CDK19: variants seen among roughly 807,000 people sequenced by gnomAD.
The protein encoded by CDK19 is cyclin dependent kinase 19.
In CDK19, 20 loss-of-function variants were observed where a neutral mutation model predicts 68.3. The observed-to-expected ratio is 0.29, with a 90% CI of 0.21 to 0.43. The LOEUF is 0.43. CDK19 is among the 20% of genes least tolerant of loss of function. The pLI, the probability that CDK19 is intolerant of heterozygous loss-of-function variation, is 1.00. For missense variants in CDK19, 339 were observed against 623.5 expected (o/e 0.54, Z 4.86); for synonymous variants, 221 against 222.8 (o/e 0.99, Z 0.07).
intron 2 of CDK19, among the ~76,000 whole-genome samples, chr6:110,697,155 G>A (rs192929741): frequency 6.6e-5 from 10 of 151,832 alleles, no homozygotes; most frequent in East Asian, 5.8e-4. Context: ...GCTTGAACCC[G>A]GGAGGCGGAG....
Position 110,670,458 on chromosome 6 carries a change from C to T in CDK19, c.288G>A (p.Leu96=). The T allele has an allele frequency of 6.2e-7, 1 of 1,608,580 alleles. No individual in the cohort carries two copies. The highest frequency in any genetic ancestry group is 8.5e-7 in the Non-Finnish European group (1 of 1,175,024). Residue 96 remains leucine, a synonymous_variant, in exon 3 of 13, where the codon CTG becomes CTA. Transcript: ENST00000368911. The part of the protein sequence containing the change: ...LSHSDRKVWL[L]FDYAEHDLWH... ...ACAAGTCATGCTCTGCATAATCAAACAGCAGCCATACCTTCCTGTCACTGT... is the reference window on the plus strand; with the variant it reads ...ACAAGTCATGCTCTGCATAATCAAATAGCAGCCATACCTTCCTGTCACTGT...
chr6:110,714,658 A>G (rs747733950), intron 2 of CDK19, among the ~76,000 whole-genome samples: 90 of 150,810 alleles, frequency 6.0e-4, no homozygotes, highest in Non-Finnish European at 1.1e-3. Context: ...ATAATTAATG[A>G]CGTTGAGCAT....
chr6:110,681,767 T>C (rs1444487514), intron 2 of CDK19, among the ~76,000 whole-genome samples: 1 of 152,244 alleles, frequency 6.6e-6, no homozygotes, highest in Non-Finnish European at 1.5e-5. Flanking sequence ...TATTTTCCTG[T>C]GTCTCATATT....
At chr6:110,790,224 T>TTTTTAA (rs1781495576) in intron 1 of CDK19, among the ~76,000 whole-genome samples, 1 of 152,094 alleles carries the variant, frequency 6.6e-6, no homozygotes, top group Non-Finnish European at 1.5e-5. Flanking sequence ...CAAGAGGAGA[T>TTTTTAA]TTTTAAGTTT....
In CDK19 at chr6:110,623,899, A is replaced by ATATATATACG. The variant is rs1562130260; in HGVS notation, c.861-538_861-537insCGTATATATA. 2.6e-4 allele frequency among the ~76,000 whole-genome samples: 3 copies of ATATATATACG among 11,508 alleles called. No individual in the cohort carries two copies. The African/African-American group carries it at 3.1e-3, about 12-fold the overall frequency. 7.5% of individuals were successfully genotyped at this position (11,508 alleles called of 152,430 possible). On this transcript the variant is annotated intron_variant, in intron 8 of 12. Coordinates refer to ENST00000368911, the MANE Select transcript of CDK19 (RefSeq NM_015076.5). ...TATACGTATATATATATGTGTGTGT[A>ATATATATACG]TATATATATACGTATATATATATAC...
intron 1 of CDK19, among the ~76,000 whole-genome samples, chr6:110,793,141 C>T (rs1366118957): frequency 6.6e-6 from 1 of 152,002 alleles, no homozygotes; most frequent in African/African-American, 2.4e-5. Context: ...AATCCTTCCC[C>T]GAGAACGGAA....
At chr6:110,650,886 C>A (rs190020937) in intron 4 of CDK19, among the ~76,000 whole-genome samples, 1 of 152,140 alleles carries the variant, frequency 6.6e-6, no homozygotes, top group Non-Finnish European at 1.5e-5. Flanking sequence ...GGCAGGTTCT[C>A]GAGCACCTTC....
At chr6:110,686,736 A>T (rs2114551146) in intron 2 of CDK19, among the ~76,000 whole-genome samples, 1 of 152,354 alleles carries the variant, frequency 6.6e-6, no homozygotes, top group Non-Finnish European at 1.5e-5. Context: ...TTCTCAAGGA[A>T]ATAATCATAG....
At chr6:110,657,081 A>T (rs1012338941) in intron 4 of CDK19, among the ~76,000 whole-genome samples, 1 of 152,244 alleles carries the variant, frequency 6.6e-6, no homozygotes, top group Non-Finnish European at 1.5e-5. Flanking sequence ...AGAAATTCTC[A>T]GACTGAGCTC....
At chr6:110,687,649 A>C (rs756717499) in intron 2 of CDK19, among the ~76,000 whole-genome samples, 1 of 152,262 alleles carries the variant, frequency 6.6e-6, no homozygotes, top group Non-Finnish European at 1.5e-5. Context: ...CTTTTATACT[A>C]AGCATTTACT....
intron 4 of CDK19, among the ~76,000 whole-genome samples, chr6:110,655,605 A>G (rs1379435275): frequency 6.6e-6 from 1 of 152,108 alleles, no homozygotes; most frequent in Non-Finnish European, 1.5e-5. Flanking sequence ...CTGAACTTGC[A>G]TTGACGCTCT....
At chr6:110,783,735 C>A (rs181814732) in intron 1 of CDK19, among the ~76,000 whole-genome samples, 89 of 151,602 alleles carry the variant, frequency 5.9e-4, no homozygotes, top group African/African-American at 2.1e-3. Context: ...ATCTTTGCAA[C>A]CTTGGATCAA....
rs543268861 is a variant in CDK19, at chr6:110,748,528, T to C, written c.129-2327A>G. Among the ~76,000 whole-genome samples, 11 of 152,378 alleles carry C rather than the reference T, an allele frequency of 7.2e-5. No individual in the cohort carries two copies. In the East Asian group the frequency reaches 1.9e-3, roughly 27 times the overall value. The stretch of plus-strand genomic sequence containing the variant: ...AAAGAAAGTACATATATCATTACTA[T>C]TTCTCTTTGTAAACTAACTGTCAGA... On this transcript the variant is annotated intron_variant, in intron 1 of 12. Coordinates refer to ENST00000368911, the MANE Select transcript of CDK19 (RefSeq NM_015076.5).
chr6:110,674,075 T>C (rs147548802), intron 2 of CDK19, among the ~76,000 whole-genome samples: 1 of 152,230 alleles, frequency 6.6e-6, no homozygotes, highest in Admixed American at 6.5e-5. Flanking sequence ...CTTACAACAT[T>C]TAAAACTTTT....
intron 6 of CDK19, among the ~76,000 whole-genome samples, chr6:110,628,953 CAGAGT>C (rs974082815): frequency 1.3e-5 from 2 of 152,170 alleles, no homozygotes; most frequent in African/African-American, 4.8e-5. Flanking sequence ...TCCATCACTA[CAGAGT>C]AGAGTAATAA....
intron 1 of CDK19, among the ~76,000 whole-genome samples, chr6:110,804,430 C>T (rs966282088): frequency 6.6e-5 from 10 of 151,732 alleles, no homozygotes; most frequent in African/African-American, 2.4e-4. Context: ...GAAACCTCTG[C>T]CTCCCGGGTT....
intron 1 of CDK19, among the ~76,000 whole-genome samples, chr6:110,763,984 C>G (rs979310417): frequency 1.3e-5 from 2 of 151,916 alleles, no homozygotes; most frequent in Admixed American, 1.3e-4. Context: ...TTGGAAATTA[C>G]AAATACAATA....
At chr6:110,636,512 C>G (rs1428615218) in intron 5 of CDK19, among the ~76,000 whole-genome samples, 1 of 152,130 alleles carries the variant, frequency 6.6e-6, no homozygotes, top group Admixed American at 6.5e-5. Flanking sequence ...GGAGAAGACA[C>G]CCTCAAAGCC....
At chr6:110,761,172 GC>G (rs1256993537) in intron 1 of CDK19, among the ~76,000 whole-genome samples, 3 of 152,090 alleles carry the variant, frequency 2.0e-5, no homozygotes, top group Non-Finnish European at 1.5e-5. Flanking sequence ...GGTCTCGAAT[GC>G]CTTGGCTCAA....
Sources: allele counts gnomAD v4.1 joint callset (sites outside exome capture counted in the v4.1 genomes callset), GRCh38; gene constraint gnomAD v4.1.1; transcripts MANE v1.5; gene names NCBI Gene and HGNC (gene_info 2026-07-23, HGNC 2026-07-21).